Variants in ZC3H13 observed in about 807,000 individuals in gnomAD.
The protein encoded by ZC3H13 is zinc finger CCCH-type containing 13.
A neutral mutation model predicts 204.1 loss-of-function variants in ZC3H13; 64 were observed. That is an observed-to-expected ratio of 0.31 (90% CI 0.26 to 0.39). The LOEUF is 0.39. Ranked by LOEUF, ZC3H13 falls within the 10% of genes least tolerant of loss-of-function variation. The probability of loss-of-function intolerance (pLI) is 1.00; values close to 1 mark genes in which losing one functional copy is unlikely to be tolerated. For synonymous variants in ZC3H13, 667 were observed against 693.7 expected (o/e 0.96, Z 0.60); for missense variants, 1,833 against 2,082.7 (o/e 0.88, Z 2.33).
At chr13:46,025,430 C>A (rs1382325792) in intron 4 of ZC3H13, among the ~76,000 whole-genome samples, 6 of 152,058 alleles carry the variant, frequency 3.9e-5, no homozygotes, top group Non-Finnish European at 2.9e-5. Flanking sequence ...CCTCAGCCTC[C>A]CACAGCTGGA....
chr13:46,020,599 A>C, intron 4 of ZC3H13, 42 bp from the exon 5 acceptor site: 1 of 1,302,426 alleles, frequency 7.7e-7, no homozygotes, highest in Non-Finnish European at 1.1e-6. Context: ...TATATTTTTA[A>C]AAATTATGAG....
intron 4 of ZC3H13, among the ~76,000 whole-genome samples, chr13:46,038,069 G>T (rs1165168036): frequency 1.3e-5 from 2 of 152,142 alleles, no homozygotes; most frequent in Non-Finnish European, 2.9e-5. Flanking sequence ...AGGTAAACTG[G>T]TGAGCAAGAC....
intron 5 of ZC3H13, among the ~76,000 whole-genome samples, chr13:46,019,478 G>A (rs1191861268): frequency 1.3e-5 from 2 of 152,076 alleles, no homozygotes; most frequent in Non-Finnish European, 2.9e-5. Context: ...TCATCTGTAA[G>A]TAGAGTAACA....
chr13:45,963,570 G>A (rs1951845097), intron 17 of ZC3H13: 1 of 1,182,986 alleles, frequency 8.5e-7, no homozygotes, highest in Non-Finnish European at 1.1e-6. Flanking sequence ...CTACAGACAT[G>A]CAACACCACG....
At chr13:45,977,863 A>T (rs1953195421) in intron 11 of ZC3H13, among the ~76,000 whole-genome samples, 1 of 152,134 alleles carries the variant, frequency 6.6e-6, no homozygotes, top group Non-Finnish European at 1.5e-5. Context: ...AGGCAATTAA[A>T]ATCAAATTTT....
chr13:46,050,142 A>G (rs1285937245), intron 1 of ZC3H13, among the ~76,000 whole-genome samples: 1 of 152,198 alleles, frequency 6.6e-6, no homozygotes, highest in African/African-American at 2.4e-5. Flanking sequence ...AAAAAGAAAA[A>G]GAAAATCCGG....
In ZC3H13 at chr13:45,969,020, A is replaced by C. The variant is rs1181933922; in HGVS notation, c.3524T>G (p.Ile1175Arg). The C allele has an allele frequency of 2.5e-6, 4 of 1,614,026 alleles. No homozygotes were observed. The highest frequency in any genetic ancestry group is 3.4e-6 in the Non-Finnish European group (4 of 1,180,028). The change falls in exon 14 of 19, where the codon ATA (isoleucine) becomes AGA (arginine). Residue 1175 changes from isoleucine (I) to arginine (R), a missense_variant. Ile to Arg is a moderately conservative substitution (Grantham distance 97). Transcript: ENST00000679008. Reference sequence around the variant, plus strand: ...AGGCTTGCGATGCTGTGCATCTTCTATAGTCACGTGAGGCGTCTCTACTTT... The same window carrying C: ...AGGCTTGCGATGCTGTGCATCTTCTCTAGTCACGTGAGGCGTCTCTACTTT... The part of the protein sequence containing the change: ...VEKVETPHVT[I>R]EDAQHRKPMD...
intron 5 of ZC3H13, among the ~76,000 whole-genome samples, chr13:46,014,247 TGG>T (rs2041767242): frequency 2.0e-5 from 3 of 152,128 alleles, no homozygotes; most frequent in African/African-American, 7.2e-5. Context: ...ACATGTGCCA[TGG>T]TGGTTTGTAC....
At chr13:46,015,822 T>C (rs1230788441) in intron 5 of ZC3H13, among the ~76,000 whole-genome samples, 1 of 152,106 alleles carries the variant, frequency 6.6e-6, no homozygotes, top group East Asian at 1.9e-4. Flanking sequence ...CAATTTATTC[T>C]TTTAAAAGAC....
chr13:45,964,145 A>G (rs1414972770), intron 16 of ZC3H13, 103 bp from the exon 17 acceptor site: 1 of 1,130,866 alleles, frequency 8.8e-7, no homozygotes, highest in African/African-American at 1.6e-5. Context: ...GAAAAAATGA[A>G]AAGTACTTTA....
intron 5 of ZC3H13, among the ~76,000 whole-genome samples, chr13:46,017,568 T>C (rs2041986658): frequency 1.3e-5 from 2 of 152,136 alleles, no homozygotes; most frequent in African/African-American, 4.8e-5. Flanking sequence ...CATTGTTAAA[T>C]GAATGAATAC....
Position 45,988,650 on chromosome 13 carries a change from T to A in ZC3H13, c.1255+137A>T, listed in dbSNP as rs2039733199. The A allele has an allele frequency of 6.8e-6, 6 of 876,210 alleles. No individual in the cohort carries two copies. In the Admixed American group the frequency reaches 1.1e-4, roughly 17 times the overall value. The allele number at this position is 876,210 out of a possible 1,614,324, so 54.3% of individuals were successfully genotyped here. A position where few individuals can be genotyped will look rare whatever the true frequency, so the allele number is the denominator to read the frequency against. ...GCTAACATTCCCATGTTGTTAAGCA[T>A]CTCCTATTGCCCTCAAAAATTCTAG... On this transcript the variant is annotated intron_variant, in intron 9 of 18. Coordinates refer to ENST00000679008, the MANE Select transcript of ZC3H13 (RefSeq NM_001330564.2).
intron 17 of ZC3H13, chr13:45,962,667 G>C: frequency 1.0e-6 from 1 of 979,566 alleles, no homozygotes; most frequent in Non-Finnish European, 1.2e-6. Flanking sequence ...TATGCTAATA[G>C]AGTAAAGGAA....
chr13:45,969,183 C>G lies in ZC3H13; in HGVS notation c.3361G>C (p.Ala1121Pro), dbSNP rs375409144. 4.2e-5 allele frequency: 68 copies of G among 1,613,864 alleles called. No individual in the cohort carries two copies. The highest frequency in any genetic ancestry group is 5.5e-5 in the Non-Finnish European group (65 of 1,180,000). ...GAGGTGGCGGCAGCAGCAGTAGTGGCAGCAAGAGTTGCAGGCACAGTTGTA... is the reference window on the plus strand; with the variant it reads ...GAGGTGGCGGCAGCAGCAGTAGTGGGAGCAAGAGTTGCAGGCACAGTTGTA... Reference protein sequence around the residue: ...TATTVPATLAATTAAAATSFS... With the variant: ...TATTVPATLAPTTAAAATSFS... Residue 1121 changes from alanine to proline, a missense_variant, in exon 14 of 19, where the codon GCC becomes CCC. Physicochemically the swap from Ala to Pro is conservative, Grantham distance 27. Transcript: ENST00000679008.
rs368618008 is a variant in ZC3H13 at position 45,996,533 on chromosome 13, T to C, written c.944+6606A>G. ...TTCATATGTTTTAAATTGCACACAGTTCTAAGTGGCACAGTGAAATCTTTT... is the reference window on the plus strand; with the variant it reads ...TTCATATGTTTTAAATTGCACACAGCTCTAAGTGGCACAGTGAAATCTTTT... On this transcript the variant is annotated intron_variant, in intron 8 of 18. Transcript: ENST00000679008. 2.1e-4 allele frequency among the ~76,000 whole-genome samples: 32 copies of C among 152,324 alleles called. No homozygotes were observed. In the East Asian group the frequency reaches 4.6e-3, roughly 22 times the overall value.
rs375268364 is a variant in ZC3H13 at position 45,985,274 on chromosome 13, C to G, written c.1720+23G>C. 4.0e-5 allele frequency: 63 copies of G among 1,579,750 alleles called. 2 individuals are homozygous for G. The highest frequency in any genetic ancestry group is 5.3e-5 in the Non-Finnish European group (62 of 1,163,118). On this transcript the variant is annotated intron_variant, in intron 10 of 18. Transcript: ENST00000679008. ...TATACTTTCTATATAAGATATAGTT[C>G]ATAGACAAGTCAAAAACCTTACCCT... is the stretch of plus-strand genomic sequence containing the variant.
intron 4 of ZC3H13, among the ~76,000 whole-genome samples, chr13:46,041,429 C>T (rs1353982151): frequency 2.0e-5 from 3 of 151,902 alleles, no homozygotes; most frequent in Non-Finnish European, 1.5e-5. Flanking sequence ...GCTAGGAGGG[C>T]GACTGCTGAA....
intron 9 of ZC3H13, among the ~76,000 whole-genome samples, chr13:45,988,251 T>A (rs2039695570): frequency 6.6e-6 from 1 of 152,076 alleles, no homozygotes. Context: ...CATCTTTTAT[T>A]ATTATTATTA....
chr13:46,023,510 A>G lies in ZC3H13; in HGVS notation c.340-2953T>C, dbSNP rs562021821. Among the ~76,000 whole-genome samples, 20 of 152,230 alleles carry G rather than the reference A, an allele frequency of 1.3e-4. No individual in the cohort carries two copies. The South Asian group carries it at 4.1e-3, about 32-fold the overall frequency. ...CATATTAATCGGCTAGTGTGCTTCA[A>G]TGAAACATGATACCCCAAATTAATC... On this transcript the variant is annotated intron_variant, in intron 4 of 18. Transcript: ENST00000679008.
Sources: gnomAD v4.1 joint callset for allele counts (sites outside exome capture counted in the v4.1 genomes callset) on GRCh38, gnomAD v4.1.1 for gene constraint, MANE v1.5 for transcripts, NCBI Gene and HGNC (gene_info 2026-07-23, HGNC 2026-07-21) for gene names.